FAM227B: variants seen among roughly 807,000 people sequenced by gnomAD.
FAM227B encodes protein FAM227B.
A neutral mutation model predicts 73.8 loss-of-function variants in FAM227B; 88 were observed. The observed-to-expected ratio is 1.19, with a 90% CI of 1.00 to 1.42. FAM227B has a LOEUF of 1.42. Ranked by LOEUF, FAM227B falls within the 40% of genes most tolerant of loss-of-function variation. The pLI, the probability that FAM227B is intolerant of heterozygous loss-of-function variation, is 0.00. For missense variants in FAM227B, 632 were observed against 590.9 expected (o/e 1.07, Z -0.72); for synonymous variants, 210 against 190.5 (o/e 1.10, Z -0.84).
chr15:49,479,013 G>T (rs757960356), intron 11 of FAM227B, among the ~76,000 whole-genome samples: 49 of 152,056 alleles, frequency 3.2e-4, no homozygotes, highest in Non-Finnish European at 5.6e-4. Context: ...TTCATTCCAA[G>T]TGTGATACAG....
rs1325539070 is a variant in FAM227B, at chr15:49,338,218, A to C, written c.1272-2722T>G. Among the ~76,000 whole-genome samples the C allele has an allele frequency of 2.0e-5, 3 of 152,064 alleles. No homozygotes were observed. The East Asian group carries it at 5.8e-4, about 29-fold the overall frequency. ...TGCCCGTTAATTATGTAGTTTCTTT[A>C]TAGCATTGATGGTCTTTACAATTTG... On this transcript the variant is annotated intron_variant, in intron 13 of 15. Transcript: ENST00000299338.
chr15:49,550,462 C>T (rs961090912), intron 9 of FAM227B, among the ~76,000 whole-genome samples: 1 of 151,622 alleles, frequency 6.6e-6, no homozygotes. Flanking sequence ...GACTGCCAGG[C>T]GGAGGGGCTC....
chr15:49,461,475 CT>C (rs2053791350), intron 11 of FAM227B, among the ~76,000 whole-genome samples: 1 of 152,198 alleles, frequency 6.6e-6, no homozygotes, highest in Non-Finnish European at 1.5e-5. Context: ...TCAATGCAGA[CT>C]TTAGCTAATC....
At position 49,434,135 on chromosome 15, in the gene FAM227B, C is replaced by T. The variant is rs148506628; in HGVS notation, c.1013-62736G>A. On this transcript the variant is annotated intron_variant, in intron 11 of 15. Coordinates refer to ENST00000299338, the MANE Select transcript of FAM227B (RefSeq NM_152647.3). ...TCTTCAGGAGTCTTTTGGTATCTTACGGGGTCTCTAACTGTACTTCTGACC... is the reference window on the plus strand; with the variant it reads ...TCTTCAGGAGTCTTTTGGTATCTTATGGGGTCTCTAACTGTACTTCTGACC... Among the ~76,000 whole-genome samples the T allele has an allele frequency of 2.3e-4, 35 of 151,624 alleles. No individual in the cohort carries two copies. The East Asian group carries it at 6.7e-3, about 29-fold the overall frequency.
intron 11 of FAM227B, among the ~76,000 whole-genome samples, chr15:49,416,926 G>A (rs1310335744): frequency 6.6e-6 from 1 of 152,142 alleles, no homozygotes; most frequent in African/African-American, 2.4e-5. Flanking sequence ...CATGTTCATG[G>A]ATAGGAAGAA....
chr15:49,534,579 A>G (rs906645222), intron 10 of FAM227B, among the ~76,000 whole-genome samples: 12 of 151,646 alleles, frequency 7.9e-5, no homozygotes, highest in Non-Finnish European at 1.3e-4. Flanking sequence ...CAAGATTAAT[A>G]ATGAAATTAC....
At chr15:49,552,884 AATTT>A (rs755884214) in intron 9 of FAM227B, among the ~76,000 whole-genome samples, 10 of 151,950 alleles carry the variant, frequency 6.6e-5, no homozygotes, top group Non-Finnish European at 1.3e-4. Context: ...GGTTATCCTG[AATTT>A]ATTTGAGTTT....
At chr15:49,532,229 G>C (rs775711137) in intron 10 of FAM227B, among the ~76,000 whole-genome samples, 5 of 151,492 alleles carry the variant, frequency 3.3e-5, no homozygotes, top group African/African-American at 4.8e-5. Context: ...TTGAAAATTT[G>C]CTATTTGAAA....
At chr15:49,393,522 C>A (rs1005801954) in intron 11 of FAM227B, among the ~76,000 whole-genome samples, 1 of 152,084 alleles carries the variant, frequency 6.6e-6, no homozygotes, top group Admixed American at 6.6e-5. Context: ...GGTTCCCAAT[C>A]TTCACCACTA....
chr15:49,523,686 T>C (rs2059945606), intron 10 of FAM227B, among the ~76,000 whole-genome samples: 1 of 151,890 alleles, frequency 6.6e-6, no homozygotes, highest in Admixed American at 6.6e-5. Context: ...GACAGGAAGA[T>C]GTGAGGAAGT....
chr15:49,574,825 T>C, intron 8 of FAM227B, 186 bp downstream of exon 8: 1 of 356,014 alleles, frequency 2.8e-6, no homozygotes, highest in Non-Finnish European at 5.1e-6. Context: ...TTGAAATCTA[T>C]ATTAAAGTTT....
chr15:49,559,836 G>T (rs2074096278), intron 9 of FAM227B, among the ~76,000 whole-genome samples: 1 of 152,094 alleles, frequency 6.6e-6, no homozygotes. Flanking sequence ...TCAGGAGGCT[G>T]AGGCAGGAGA....
chr15:49,453,480 C>G (rs12903654), intron 11 of FAM227B, among the ~76,000 whole-genome samples: 7,427 of 152,140 alleles, frequency 0.049, 299 homozygotes, highest in East Asian at 0.16. Flanking sequence ...GCATGTTTTT[C>G]CTTTACAACA....
Position 49,541,776 on chromosome 15 carries a change from A to T in FAM227B, c.778T>A (p.Tyr260Asn). The change falls in exon 10 of 16, where the codon TAT becomes AAT. Residue 260 changes from tyrosine to asparagine, a missense_variant. By Grantham distance (143) the Tyr-to-Asn change is moderately radical. Transcript: ENST00000299338. ...IYPDCLAQAIYATFHEAFPES... is the reference protein window; with the variant it reads ...IYPDCLAQAINATFHEAFPES... ...GGAAATGCTTCATGGAACGTTGCAT[A>T]TATGGCTTGTGCCAAACAATCAGGA... 1 of 1,524,702 alleles carries T rather than the reference A, an allele frequency of 6.6e-7. No homozygotes were observed. Among genetic ancestry groups the T allele is most frequent in the Non-Finnish European group, 8.8e-7 (1 of 1,135,424 alleles). 94.4% of individuals were successfully genotyped at this position (1,524,702 alleles called of 1,614,324 possible).
intron 13 of FAM227B, among the ~76,000 whole-genome samples, chr15:49,361,664 A>C (rs2044263063): frequency 6.6e-6 from 1 of 152,062 alleles, no homozygotes; most frequent in Admixed American, 6.6e-5. Context: ...ATCTAGGTTG[A>C]ATTCCTTATC....
At chr15:49,576,529 A>AC in intron 7 of FAM227B, 1 of 440,360 alleles carries the variant, frequency 2.3e-6, no homozygotes, top group South Asian at 3.0e-5. Flanking sequence ...TACGCTAGCA[A>AC]CCTCAGGGTC....
intron 11 of FAM227B, among the ~76,000 whole-genome samples, chr15:49,379,400 G>T (rs1253258754): frequency 6.6e-6 from 1 of 152,088 alleles, no homozygotes; most frequent in Non-Finnish European, 1.5e-5. Flanking sequence ...ATGTTTGCTA[G>T]AATTCAGCTA....
In FAM227B at chr15:49,576,587, G is replaced by A. The variant is rs111477393; in HGVS notation, c.546+154C>T. On this transcript the variant is annotated intron_variant, in intron 7 of 15. Coordinates refer to ENST00000299338, the MANE Select transcript of FAM227B (RefSeq NM_152647.3). The stretch of plus-strand genomic sequence containing the variant: ...AATATATTCTTTTCTGGTAATTAGC[G>A]GTTAGACACATCACTGGTCTTTCCT... 517 of 586,736 alleles carry A rather than the reference G, an allele frequency of 8.8e-4. 3 individuals carry two copies. The highest frequency in any genetic ancestry group is 7.7e-3 in the African/African-American group (412 of 53,238). The allele number at this position is 586,736 out of a possible 1,614,324, so 36.3% of individuals were successfully genotyped here. A position where few individuals can be genotyped will look rare whatever the true frequency, so the allele number is the denominator to read the frequency against.
At chr15:49,580,081 A>G (rs2075715228) in intron 5 of FAM227B, among the ~76,000 whole-genome samples, 1 of 152,256 alleles carries the variant, frequency 6.6e-6, no homozygotes, top group African/African-American at 2.4e-5. Context: ...CGAGACCACA[A>G]AAATATAAAT....
Sources: gnomAD v4.1 joint callset for allele counts (sites outside exome capture counted in the v4.1 genomes callset) on GRCh38, gnomAD v4.1.1 for gene constraint, MANE v1.5 for transcripts, NCBI Gene and HGNC (gene_info 2026-07-23, HGNC 2026-07-21) for gene names.